The following NECTIN3 variants were observed in gnomAD, a reference collection of about 807,000 sequenced individuals.
NECTIN3 encodes nectin-3.
Under a neutral mutation model 49.4 loss-of-function variants are expected in NECTIN3, and 8 were observed. The ratio of observed to expected loss-of-function variants is 0.16; its 90% CI spans 0.10 to 0.29. The LOEUF (loss-of-function observed/expected upper bound fraction) is 0.29. NECTIN3 is among the 10% of genes least tolerant of loss of function. NECTIN3 has a pLI of 1.00. For missense variants in NECTIN3, 581 were observed against 654.6 expected (o/e 0.89, Z 1.23); for synonymous variants, 277 against 241.1 (o/e 1.15, Z -1.38).
chr3:111,097,134 A>T (rs1460397250), intron 1 of NECTIN3, among the ~76,000 whole-genome samples: 1 of 152,152 alleles, frequency 6.6e-6, no homozygotes, highest in Non-Finnish European at 1.5e-5. Context: ...GACCATGGGA[A>T]CCCATCTGTT....
chr3:111,175,117 A>G (rs952600770), intron 7 of NECTIN3, among the ~76,000 whole-genome samples: 1 of 151,730 alleles, frequency 6.6e-6, no homozygotes, highest in Non-Finnish European at 1.5e-5. Context: ...CCTCCAGCCA[A>G]ACTCCTCTCA....
chr3:111,159,761 C>T (rs1362269529), intron 7 of NECTIN3, among the ~76,000 whole-genome samples: 1 of 152,252 alleles, frequency 6.6e-6, no homozygotes, highest in East Asian at 1.9e-4. Flanking sequence ...TTTTGGTAAG[C>T]CAAATTGCTA....
At chr3:111,116,066 A>G (rs1315070747) in intron 2 of NECTIN3, among the ~76,000 whole-genome samples, 6 of 152,154 alleles carry the variant, frequency 3.9e-5, no homozygotes, top group Non-Finnish European at 7.4e-5. Flanking sequence ...CTTGTATTAA[A>G]ATTGGGGAAA....
upstream of NECTIN3, among the ~76,000 whole-genome samples, chr3:111,191,239 A>G (rs536567333): frequency 8.5e-5 from 13 of 152,336 alleles, no homozygotes; most frequent in South Asian, 2.5e-3. Flanking sequence ...GTGACTGGAG[A>G]CAACTTGCAT....
rs763596100 is a variant in NECTIN3, at chr3:111,126,304, A to C, written c.1038A>C (p.Gln346His). 1 of 1,608,302 alleles carries C rather than the reference A, an allele frequency of 6.2e-7. No individual in the cohort carries two copies. The highest frequency in any genetic ancestry group is 1.1e-5 in the South Asian group (1 of 89,714). ...GTAAAGTGACCAATTCCCTTGGTCAAAGAAGTGACCAAAAAGTCATCTACA... is the reference window on the plus strand; with the variant it reads ...GTAAAGTGACCAATTCCCTTGGTCACAGAAGTGACCAAAAAGTCATCTACA... ...YICKVTNSLG[Q>H]RSDQKVIYIS... The change falls in exon 5 of 6, where the codon CAA becomes CAC. Residue 346 changes from glutamine (Q) to histidine (H), a missense_variant. By Grantham distance (24) the Gln-to-His change is conservative. Coordinates refer to ENST00000485303, the MANE Select transcript of NECTIN3 (RefSeq NM_015480.3).
intron 7 of NECTIN3, among the ~76,000 whole-genome samples, chr3:111,166,933 GTAGA>G (rs1193921321): frequency 6.6e-6 from 1 of 152,180 alleles, no homozygotes; most frequent in Non-Finnish European, 1.5e-5. Context: ...AGGTAGGTAG[GTAGA>G]TAGATTTGAA....
At chr3:111,140,075 T>C (rs1278816512), downstream of NECTIN3, among the ~76,000 whole-genome samples, 1 of 151,898 alleles carries the variant, frequency 6.6e-6, no homozygotes, top group Non-Finnish European at 1.5e-5. Context: ...TCAGTGCATG[T>C]TGATATTTGG....
intron 7 of NECTIN3, among the ~76,000 whole-genome samples, chr3:111,180,632 T>C (rs1387811401): frequency 2.0e-5 from 3 of 152,230 alleles, no homozygotes; most frequent in African/African-American, 7.2e-5. Flanking sequence ...ATATCCTATA[T>C]GCCTTGAAGA....
At chr3:111,158,381 A>G (rs2035140595) in intron 7 of NECTIN3, among the ~76,000 whole-genome samples, 1 of 152,070 alleles carries the variant, frequency 6.6e-6, no homozygotes, top group Non-Finnish European at 1.5e-5. Context: ...TCTCAATTTC[A>G]GATGTTTGGT....
intron 7 of NECTIN3, among the ~76,000 whole-genome samples, chr3:111,158,263 A>G (rs943176321): frequency 1.3e-5 from 2 of 152,086 alleles, no homozygotes; most frequent in Non-Finnish European, 2.9e-5. Flanking sequence ...TTTCTTATAT[A>G]TAAGTAACTT....
At chr3:111,140,998 G>T (rs1484196786), downstream of NECTIN3, among the ~76,000 whole-genome samples, 2 of 151,764 alleles carry the variant, frequency 1.3e-5, no homozygotes, top group Non-Finnish European at 1.5e-5. Context: ...GGGGGATTTT[G>T]CTATTACCAC....
At chr3:111,103,924 T>G (rs2033044799) in intron 1 of NECTIN3, among the ~76,000 whole-genome samples, 1 of 152,186 alleles carries the variant, frequency 6.6e-6, no homozygotes, top group Admixed American at 6.5e-5. Flanking sequence ...GATGGACATT[T>G]GGATTGTTTC....
At position 111,118,874 on chromosome 3, in the gene NECTIN3, G is replaced by C; in HGVS notation, c.721G>C (p.Gly241Arg). 1 of 1,614,118 alleles carries C rather than the reference G, an allele frequency of 6.2e-7. No homozygotes were observed. Among genetic ancestry groups the C allele is most frequent in the Non-Finnish European group, 8.5e-7 (1 of 1,180,012 alleles). The change falls in exon 3 of 6, where the codon GGA (glycine) becomes CGA (arginine). Residue 241 changes from glycine to arginine, a missense_variant. Gly to Arg is a moderately radical substitution (Grantham distance 125, BLOSUM62 -2). Coordinates refer to ENST00000485303, the MANE Select transcript of NECTIN3 (RefSeq NM_015480.3). Reference protein sequence around the residue: ...YKLFPTRFARGRRITCVVKHP... With the variant: ...YKLFPTRFARRRRITCVVKHP... ...GCTATTTCCAACCAGATTTGCTAGA[G>C]GAAGGCGAATTACTTGTGTTGTAAA...
downstream of NECTIN3, among the ~76,000 whole-genome samples, chr3:111,138,291 A>T (rs1211970734): frequency 6.6e-6 from 1 of 151,636 alleles, no homozygotes. Flanking sequence ...GATAATACAC[A>T]GTTAGACTGG....
At chr3:111,080,307 T>C (rs1230399883) in intron 1 of NECTIN3, among the ~76,000 whole-genome samples, 1 of 152,000 alleles carries the variant, frequency 6.6e-6, no homozygotes, top group Admixed American at 6.6e-5. Context: ...GATCTGGGCA[T>C]TGATATATTT....
chr3:111,145,400 C>T (rs1301450591), intron 6 of NECTIN3, among the ~76,000 whole-genome samples: 1 of 152,084 alleles, frequency 6.6e-6, no homozygotes, highest in Non-Finnish European at 1.5e-5. Flanking sequence ...TTAATGGCTT[C>T]TTCATATTGT....
chr3:111,148,407 CAGTT>C lies in NECTIN3; in HGVS notation c.1221+926_1221+929del, dbSNP rs201445467. Among the ~76,000 whole-genome samples the C allele has an allele frequency of 5.3e-5, 8 of 152,352 alleles. No homozygotes were observed. In the East Asian group the frequency reaches 1.5e-3, roughly 29 times the overall value. Reference sequence around the variant, plus strand: ...TGGGCACTAGCTTTGTCATCTTACACAGTTAGGTGTCCTGATGGTGAAGATGTGC... The same window carrying C: ...TGGGCACTAGCTTTGTCATCTTACACAGGTGTCCTGATGGTGAAGATGTGC... On this transcript the variant is annotated intron_variant, in intron 7 of 8. Coordinates refer to the NECTIN3 transcript ENST00000493615.
At chr3:111,193,298 C>T in intron 1 of NECTIN3, 1 of 1,535,856 alleles carries the variant, frequency 6.5e-7, no homozygotes, top group Non-Finnish European at 8.7e-7. Flanking sequence ...AAATGTGCTA[C>T]CAAGACCGGA....
chr3:111,135,412 T>TA lies in NECTIN3; in HGVS notation c.*1198dup. On this transcript the variant is annotated 3_prime_UTR_variant, in exon 6 of 6. Coordinates refer to ENST00000485303, the MANE Select transcript of NECTIN3 (RefSeq NM_015480.3). ...TTTTGTTTTTGTTTTTTTACATAAT[T>TA]ACATATATTCCTTCTGAATCATTTA... 1 of 930,412 alleles carries TA rather than the reference T, an allele frequency of 1.1e-6. No individual in the cohort carries two copies. Among genetic ancestry groups the TA allele is most frequent in the African/African-American group, 1.8e-5 (1 of 55,918 alleles). 57.6% of individuals were successfully genotyped at this position (930,412 alleles called of 1,614,324 possible).
Sources: gnomAD v4.1 joint callset for allele counts (sites outside exome capture counted in the v4.1 genomes callset) on GRCh38, gnomAD v4.1.1 for gene constraint, MANE v1.5 for transcripts, NCBI Gene and HGNC (gene_info 2026-07-23, HGNC 2026-07-21) for gene names.